RALB: variants seen among roughly 807,000 people sequenced by gnomAD.
RALB encodes RAS like proto-oncogene B.
In RALB, 16 loss-of-function variants were observed where a neutral mutation model predicts 21.3. The observed-to-expected ratio is 0.75, with a 90% CI of 0.51 to 1.14. The LOEUF (loss-of-function observed/expected upper bound fraction) is 1.14, where lower values mean the gene tolerates loss of function less well. Ranked by LOEUF, RALB falls within the 50% of genes most tolerant of loss-of-function variation. RALB has a pLI of 0.00. For synonymous variants in RALB, 93 were observed against 96.1 expected (o/e 0.97, Z 0.19); for missense variants, 161 against 256.2 (o/e 0.63, Z 2.54).
chr2:120,253,052 C>A, intron 1 of RALB, 72 bp downstream of exon 1: 1 of 901,186 alleles, frequency 1.1e-6, no homozygotes, highest in Non-Finnish European at 1.3e-6. Flanking sequence ...GCCGCACGCC[C>A]GCAGCCTCTT....
chr2:120,278,841 C>T (rs900441239), intron 2 of RALB, 63 bp downstream of exon 2: 21 of 1,385,172 alleles, frequency 1.5e-5, no homozygotes, highest in African/African-American at 7.4e-5. Context: ...TCCCTGCTCC[C>T]GCTGTTTCTG....
rs1157188386 is a variant in RALB at position 120,294,203 on chromosome 2, A to T, written c.*943A>T. ...AGTGTCACACACACTCTTCCCAAAG[A>T]CGTGATGAGTTAAAGTTGTATTCTG... On this transcript the variant is annotated 3_prime_UTR_variant, in exon 5 of 5. Coordinates refer to ENST00000272519, the MANE Select transcript of RALB (RefSeq NM_002881.3). The T allele has an allele frequency of 5.0e-6, 2 of 398,594 alleles. No individual in the cohort carries two copies. The highest frequency in any genetic ancestry group is 7.1e-5 in the East Asian group (2 of 28,072). The allele number at this position is 398,594 out of a possible 1,614,324, so 24.7% of individuals were successfully genotyped here. A position where few individuals can be genotyped will look rare whatever the true frequency, so the allele number is the denominator to read the frequency against.
chr2:120,256,286 C>G (rs7601517), intron 1 of RALB, among the ~76,000 whole-genome samples: 6,812 of 152,242 alleles, frequency 0.045, 543 homozygotes, highest in African/African-American at 0.16. Context: ...TAGCTTTTCT[C>G]CCCAGAGCAA....
intron 1 of RALB, among the ~76,000 whole-genome samples, chr2:120,275,778 A>G: frequency 6.6e-6 from 1 of 152,208 alleles, no homozygotes; most frequent in East Asian, 1.9e-4. Flanking sequence ...AGTGACATCC[A>G]GAGTTCTTGG....
chr2:120,277,073 C>T (rs1484115526), intron 1 of RALB, among the ~76,000 whole-genome samples: 2 of 152,154 alleles, frequency 1.3e-5, no homozygotes, highest in Non-Finnish European at 1.5e-5. Context: ...TCCCATAATA[C>T]TGGAGTTGCT....
At chr2:120,277,484 CATGT>C (rs1416553730) in intron 1 of RALB, among the ~76,000 whole-genome samples, 5 of 149,016 alleles carry the variant, frequency 3.4e-5, no homozygotes, top group African/African-American at 1.0e-4. Context: ...TGAGCATGAA[CATGT>C]ATGTGTGGTA....
intron 2 of RALB, among the ~76,000 whole-genome samples, chr2:120,284,796 C>T (rs940419001): frequency 2.6e-5 from 4 of 152,130 alleles, no homozygotes; most frequent in Admixed American, 2.0e-4. Context: ...ATTGCTTCCC[C>T]GTCCCACCCC....
chr2:120,292,090 A>G (rs1690318408), intron 4 of RALB, among the ~76,000 whole-genome samples: 1 of 152,220 alleles, frequency 6.6e-6, no homozygotes. Flanking sequence ...GATGGCTGGT[A>G]GCAGAGGGCA....
intron 1 of RALB, among the ~76,000 whole-genome samples, chr2:120,271,715 A>C (rs1210265411): frequency 1.3e-5 from 2 of 152,124 alleles, no homozygotes; most frequent in Non-Finnish European, 2.9e-5. Context: ...TCTCACTCCC[A>C]TCTGCTGAAT....
intron 1 of RALB, among the ~76,000 whole-genome samples, chr2:120,258,080 G>A (rs932852199): frequency 3.3e-5 from 5 of 152,154 alleles, no homozygotes; most frequent in African/African-American, 1.2e-4. Flanking sequence ...TGACCCCTCT[G>A]TTTTTCTACT....
intron 2 of RALB, among the ~76,000 whole-genome samples, chr2:120,278,984 G>A (rs762352279): frequency 5.3e-5 from 8 of 152,328 alleles, no homozygotes; most frequent in African/African-American, 7.2e-5. Flanking sequence ...CAACTCCGGC[G>A]GGGATGTGAG....
chr2:120,243,503 T>G (rs1025591527), intron 1 of RALB, among the ~76,000 whole-genome samples: 1 of 152,178 alleles, frequency 6.6e-6, no homozygotes, highest in Non-Finnish European at 1.5e-5. Context: ...TGCCACACAC[T>G]GTCTCATTGG....
upstream of RALB, among the ~76,000 whole-genome samples, chr2:120,252,051 C>T (rs1346400390): frequency 6.6e-6 from 1 of 152,168 alleles, no homozygotes; most frequent in Non-Finnish European, 1.5e-5. Flanking sequence ...AGATAAGAGG[C>T]AGACGTTTAA....
At chr2:120,281,650 G>A (rs1689992117) in intron 2 of RALB, among the ~76,000 whole-genome samples, 1 of 152,166 alleles carries the variant, frequency 6.6e-6, no homozygotes, top group Non-Finnish European at 1.5e-5. Context: ...GGTCAAACTG[G>A]ATAAATCTAA....
intron 1 of RALB, among the ~76,000 whole-genome samples, chr2:120,263,170 ATATT>A (rs1222690099): frequency 3.9e-5 from 6 of 152,164 alleles, no homozygotes; most frequent in African/African-American, 1.2e-4. Context: ...TATTAGAGTG[ATATT>A]TATTTATTTA....
intron 1 of RALB, among the ~76,000 whole-genome samples, chr2:120,268,783 A>G (rs1317574153): frequency 6.6e-6 from 1 of 152,236 alleles, no homozygotes; most frequent in Non-Finnish European, 1.5e-5. Context: ...AAGCGGAAGA[A>G]GAGGCCGAGG....
Position 120,258,858 on chromosome 2 carries a change from C to T in RALB, c.-48+5878C>T, listed in dbSNP as rs145938059. 7.1e-3 allele frequency among the ~76,000 whole-genome samples: 1,085 copies of T among 152,230 alleles called. 13 individuals are homozygous for T. Among genetic ancestry groups the T allele is most frequent in the South Asian group, 0.045 (216 of 4,820 alleles). On this transcript the variant is annotated intron_variant, in intron 1 of 4. Coordinates refer to ENST00000272519, the MANE Select transcript of RALB (RefSeq NM_002881.3). ...GGCTCACTGACTTCAAGAATGAAGC[C>T]GCGGACCCTCGCGGTGAGTGTTACA...
chr2:120,279,025 T>C (rs1689918499), intron 2 of RALB, among the ~76,000 whole-genome samples: 2 of 152,236 alleles, frequency 1.3e-5, no homozygotes, highest in South Asian at 2.1e-4. Flanking sequence ...TCCATTGTTA[T>C]ACTTCGAGCT....
intron 1 of RALB, among the ~76,000 whole-genome samples, chr2:120,265,982 G>A (rs1256449223): frequency 1.3e-5 from 2 of 152,210 alleles, no homozygotes; most frequent in African/African-American, 2.4e-5. Flanking sequence ...CATCTGTAAG[G>A]CTAGCAGAAT....
Sources: gnomAD v4.1 joint callset for allele counts (sites outside exome capture counted in the v4.1 genomes callset) on GRCh38, gnomAD v4.1.1 for gene constraint, MANE v1.5 for transcripts, NCBI Gene and HGNC (gene_info 2026-07-23, HGNC 2026-07-21) for gene names.